Variants in ADAM12 observed in about 807,000 individuals in gnomAD.
The protein encoded by ADAM12 is ADAM metallopeptidase domain 12.
In ADAM12, 70 loss-of-function variants were observed where a neutral mutation model predicts 106.4. The observed-to-expected ratio is 0.66, with a 90% confidence interval of 0.54 to 0.80. ADAM12 has a LOEUF of 0.80. Among genes scored for constraint, ADAM12 ranks in the 30% least tolerant of loss-of-function variants. The pLI is 0.00. For synonymous variants in ADAM12, 420 were observed against 433.5 expected (o/e 0.97, Z 0.39); for missense variants, 1,010 against 1,171.9 (o/e 0.86, Z 2.02).
intron 1 of ADAM12, among the ~76,000 whole-genome samples, chr10:126,337,726 A>G (rs1175610161): frequency 1.3e-5 from 2 of 152,198 alleles, no homozygotes; most frequent in Non-Finnish European, 2.9e-5. Context: ...AATATTAACC[A>G]TCACACATGG....
chr10:126,257,340 C>T (rs1188228227), intron 3 of ADAM12, among the ~76,000 whole-genome samples: 4 of 152,188 alleles, frequency 2.6e-5, no homozygotes, highest in South Asian at 2.1e-4. Context: ...TTCTGTTCTG[C>T]GATCAAAATG....
At chr10:126,380,220 G>T (rs1856442236) in intron 1 of ADAM12, among the ~76,000 whole-genome samples, 4 of 152,180 alleles carry the variant, frequency 2.6e-5, no homozygotes. Flanking sequence ...TGAAAAATGG[G>T]CTGGAGAAAG....
intron 22 of ADAM12, among the ~76,000 whole-genome samples, chr10:126,018,143 A>G (rs945791701): frequency 6.6e-6 from 1 of 152,252 alleles, no homozygotes; most frequent in Admixed American, 6.5e-5. Flanking sequence ...ATTCTTCCCA[A>G]GAGCTGTAAT....
At chr10:126,035,345 G>T (rs996989086) in intron 21 of ADAM12, among the ~76,000 whole-genome samples, 2 of 152,078 alleles carry the variant, frequency 1.3e-5, no homozygotes, top group African/African-American at 2.4e-5. Context: ...AGCAAAAAAT[G>T]ATACATCAAT....
intron 1 of ADAM12, among the ~76,000 whole-genome samples, chr10:126,351,674 A>G (rs1855365208): frequency 6.6e-6 from 1 of 152,190 alleles, no homozygotes; most frequent in South Asian, 2.1e-4. Context: ...AGTGACCTGC[A>G]TGAAAACACC....
chr10:126,170,309 G>A (rs755059057), intron 3 of ADAM12, among the ~76,000 whole-genome samples: 4 of 152,246 alleles, frequency 2.6e-5, no homozygotes, highest in Non-Finnish European at 4.4e-5. Context: ...GATCCGGGGC[G>A]GCGAAGAGGA....
intron 1 of ADAM12, among the ~76,000 whole-genome samples, chr10:126,348,181 G>C (rs1287125321): frequency 3.9e-5 from 6 of 152,220 alleles, no homozygotes; most frequent in South Asian, 2.1e-4. Context: ...TCAGTAGCCT[G>C]GAGGCTCCTC....
intron 3 of ADAM12, among the ~76,000 whole-genome samples, chr10:126,234,466 C>G (rs928453439): frequency 5.3e-5 from 8 of 152,196 alleles, no homozygotes; most frequent in Non-Finnish European, 1.2e-4. Context: ...AATATCCAAA[C>G]ACAGGCTTAG....
rs542419259 is a variant in ADAM12, at chr10:126,081,836, C to T, written c.1146-10182G>A. Among the ~76,000 whole-genome samples the T allele has an allele frequency of 1.4e-4, 22 of 152,244 alleles. No homozygotes were observed. The South Asian group carries it at 4.1e-3, about 29-fold the overall frequency. On this transcript the variant is annotated intron_variant, in intron 11 of 22. Coordinates refer to ENST00000448723, the MANE Select transcript of ADAM12 (RefSeq NM_001288973.2). ...CTCCCATTGGGAGTTGCCCTGACTGCGAATCCCCCCGTATATGATAGTGCT... is the reference window on the plus strand; with the variant it reads ...CTCCCATTGGGAGTTGCCCTGACTGTGAATCCCCCCGTATATGATAGTGCT...
At chr10:126,167,608 C>T (rs115221520) in intron 3 of ADAM12, among the ~76,000 whole-genome samples, 163 of 152,196 alleles carry the variant, frequency 1.1e-3, no homozygotes, top group African/African-American at 3.8e-3. Context: ...CGTAAAGGTG[C>T]ATGAAATATT....
chr10:126,075,071 A>G (rs1955072880), intron 11 of ADAM12, among the ~76,000 whole-genome samples: 1 of 152,174 alleles, frequency 6.6e-6, no homozygotes, highest in African/African-American at 2.4e-5. Flanking sequence ...TTCCACAAAC[A>G]TTCCTGCCAT....
At chr10:126,131,617 G>T (rs568288220) in intron 5 of ADAM12, among the ~76,000 whole-genome samples, 3 of 152,098 alleles carry the variant, frequency 2.0e-5, no homozygotes, top group East Asian at 1.9e-4. Context: ...CTCTGTACAC[G>T]CACAAAGAGA....
At chr10:126,352,074 G>T (rs1490907166) in intron 1 of ADAM12, among the ~76,000 whole-genome samples, 1 of 152,152 alleles carries the variant, frequency 6.6e-6, no homozygotes, top group Non-Finnish European at 1.5e-5. Flanking sequence ...TGGCTTGATG[G>T]AGGTGTCCTC....
chr10:126,273,203 T>G (rs1959189055), intron 3 of ADAM12: 1 of 153,432 alleles, frequency 6.5e-6, no homozygotes, highest in Non-Finnish European at 1.5e-5. Context: ...CATGTGCCAG[T>G]CCTTATCTTG....
chr10:126,304,804 T>C (rs1960775247), intron 2 of ADAM12, among the ~76,000 whole-genome samples: 1 of 151,540 alleles, frequency 6.6e-6, no homozygotes, highest in Non-Finnish European at 1.5e-5. Flanking sequence ...AAAAAAAAAA[T>C]ATATTTGAAT....
At chr10:126,262,240 CA>C (rs1489807576) in intron 3 of ADAM12, among the ~76,000 whole-genome samples, 2 of 152,142 alleles carry the variant, frequency 1.3e-5, no homozygotes, top group East Asian at 3.9e-4. Flanking sequence ...AATTTAATTA[CA>C]AATACATTCT....
intron 4 of ADAM12, among the ~76,000 whole-genome samples, chr10:126,145,047 T>A (rs1956600058): frequency 6.6e-6 from 1 of 152,202 alleles, no homozygotes; most frequent in Admixed American, 6.5e-5. Context: ...AACAGTGAGT[T>A]CCTCTGGGAA....
At chr10:126,093,421 G>T (rs541769744) in intron 11 of ADAM12, among the ~76,000 whole-genome samples, 1 of 152,196 alleles carries the variant, frequency 6.6e-6, no homozygotes, top group Non-Finnish European at 1.5e-5. Context: ...CCAAAGCAGA[G>T]AAATCATTTC....
At chr10:126,338,291 C>T (rs932469123) in intron 1 of ADAM12, among the ~76,000 whole-genome samples, 7 of 118,648 alleles carry the variant, frequency 5.9e-5, no homozygotes, top group African/African-American at 1.7e-4. Flanking sequence ...CTCGCTCTGT[C>T]GCCCAGGCTG....
Sources: gnomAD v4.1 joint callset for allele counts (sites outside exome capture counted in the v4.1 genomes callset) on GRCh38, gnomAD v4.1.1 for gene constraint, MANE v1.5 for transcripts, NCBI Gene and HGNC (gene_info 2026-07-23, HGNC 2026-07-21) for gene names.